The following RILPL2 variants were observed in gnomAD, a reference collection of about 807,000 sequenced individuals.
RILPL2 encodes Rab interacting lysosomal protein like 2, also known as RILP-like protein 2.
A neutral mutation model predicts 22.2 loss-of-function variants in RILPL2; 19 were observed. That is an observed-to-expected ratio of 0.86 (90% CI 0.60 to 1.25). The LOEUF is 1.25. Ranked by LOEUF, RILPL2 falls within the 50% of genes most tolerant of loss-of-function variation. The probability of loss-of-function intolerance (pLI) is 0.00; values close to 1 mark genes in which losing one functional copy is unlikely to be tolerated. For synonymous variants in RILPL2, 123 were observed against 111.6 expected, an observed-to-expected ratio of 1.10 and a Z score of -0.64; for missense variants, 243 against 263.6, an observed-to-expected ratio of 0.92 and a Z score of 0.54.
Position 123,436,370 on chromosome 12 carries a change from G to GTCCTCCTCTCCCTCCTCC in RILPL2, c.33_50dup (p.Glu11_Glu16dup). 1 of 1,553,710 alleles carries GTCCTCCTCTCCCTCCTCC rather than the reference G, an allele frequency of 6.4e-7. No individual in the cohort carries two copies. Among genetic ancestry groups the GTCCTCCTCTCCCTCCTCC allele is most frequent in the Non-Finnish European group, 8.7e-7 (1 of 1,148,438 alleles). Reference sequence around the variant, plus strand: ...CGGGCCCAACCTCGTCCCTCTCCTCGTCCTCCTCTCCCTCCTCCTCTTCCT... The same window carrying GTCCTCCTCTCCCTCCTCC: ...CGGGCCCAACCTCGTCCCTCTCCTCGTCCTCCTCTCCCTCCTCCTCCTCCTCTCCCTCCTCCTCTTCCT... On this transcript the variant is annotated inframe_insertion, in exon 1 of 4. Transcript: ENST00000280571. This position sits in a 1 kb window ranked among gnomAD's most constrained non-coding sequence, Gnocchi z 6.7.
Position 123,436,407 on chromosome 12 carries a change from G to C in RILPL2, c.14C>G (p.Pro5Arg). Reference sequence around the variant, plus strand: ...CTCCTCCTCTTCCTCTTCTCGCACAGGGGGCTCCTCCATGGCCACCCAGAC... The same window carrying C: ...CTCCTCCTCTTCCTCTTCTCGCACACGGGGCTCCTCCATGGCCACCCAGAC... MEEPPVREEEEEEGE... is the reference protein window; with the variant it reads MEEPRVREEEEEEGE... Residue 5 changes from proline (P) to arginine (R), a missense_variant, in exon 1 of 4, where the codon CCT becomes CGT. Coordinates refer to ENST00000280571, the MANE Select transcript of RILPL2 (RefSeq NM_145058.3). The surrounding 1 kb of genome is among the most constrained non-coding windows in gnomAD (Gnocchi z 6.7). 2 of 1,548,532 alleles carry C rather than the reference G, an allele frequency of 1.3e-6. No homozygotes were observed. Among genetic ancestry groups the C allele is most frequent in the Non-Finnish European group, 8.7e-7 (1 of 1,146,972 alleles).
intron 2 of RILPL2, among the ~76,000 whole-genome samples, chr12:123,430,147 T>C (rs113630907): frequency 0.046 from 5,863 of 127,274 alleles, 357 homozygotes; most frequent in African/African-American, 0.15. Flanking sequence ...TGGTGGCTCA[T>C]GCCTGTAATC....
At position 123,430,358 on chromosome 12, in the gene RILPL2, G is replaced by A. The variant is rs916432009; in HGVS notation, c.491+150C>T. ...CGGGAGGCAGAGGTTGCAGTGAGCCGAGATCGCGCCACTGCACTCCAGCCT... is the reference window on the plus strand; with the variant it reads ...CGGGAGGCAGAGGTTGCAGTGAGCCAAGATCGCGCCACTGCACTCCAGCCT... On this transcript the variant is annotated intron_variant, in intron 2 of 3. Coordinates refer to ENST00000280571, the MANE Select transcript of RILPL2 (RefSeq NM_145058.3). The A allele has an allele frequency of 3.4e-4, 200 of 585,500 alleles. 3 individuals carry two copies. Among genetic ancestry groups the A allele is most frequent in the African/African-American group, 2.1e-3 (108 of 51,050 alleles). 36.3% of individuals were successfully genotyped at this position (585,500 alleles called of 1,614,324 possible).
intron 2 of RILPL2, among the ~76,000 whole-genome samples, chr12:123,430,200 G>T (rs1469156802): frequency 1.3e-5 from 2 of 150,414 alleles, no homozygotes; most frequent in Non-Finnish European, 2.9e-5. Flanking sequence ...AGGAGGTCAG[G>T]AGATCGAGAC....
chr12:123,434,809 C>G (rs1289294132), intron 1 of RILPL2, among the ~76,000 whole-genome samples: 1 of 151,968 alleles, frequency 6.6e-6, no homozygotes, highest in Admixed American at 6.6e-5. Flanking sequence ...ATCAATTTCC[C>G]TTCTTTTCCC....
downstream of RILPL2, among the ~76,000 whole-genome samples, chr12:123,410,168 C>T (rs1407142258): frequency 6.6e-6 from 1 of 152,292 alleles, no homozygotes; most frequent in South Asian, 2.1e-4. Context: ...GCATTTTGAG[C>T]CTTAGAACAA....
chr12:123,417,012 C>T (rs1384863782), intron 3 of RILPL2, among the ~76,000 whole-genome samples: 1 of 152,016 alleles, frequency 6.6e-6, no homozygotes, highest in Non-Finnish European at 1.5e-5. Flanking sequence ...GAAACACTTC[C>T]ATTAGGCTGG....
At chr12:123,423,692 T>C (rs1049064068) in intron 2 of RILPL2, among the ~76,000 whole-genome samples, 6 of 151,826 alleles carry the variant, frequency 4.0e-5, no homozygotes, top group South Asian at 2.1e-4. Flanking sequence ...CTCGCTCTGT[T>C]GCCCAGGCTG....
chr12:123,415,579 G>A lies in RILPL2; in HGVS notation c.*312C>T, dbSNP rs948037604. 7.2e-5 allele frequency: 31 copies of A among 430,890 alleles called. No homozygotes were observed. The highest frequency in any genetic ancestry group is 5.5e-4 in the African/African-American group (28 of 50,508). The allele number at this position is 430,890 out of a possible 1,614,324, so 26.7% of individuals were successfully genotyped here. On this transcript the variant is annotated 3_prime_UTR_variant, in exon 4 of 4. Coordinates refer to ENST00000280571, the MANE Select transcript of RILPL2 (RefSeq NM_145058.3). ...CCGTGGGAGCAGATGAGTAGGACACGCGTCTGCACGCTGGAGGCCCTGGGG... is the reference window on the plus strand; with the variant it reads ...CCGTGGGAGCAGATGAGTAGGACACACGTCTGCACGCTGGAGGCCCTGGGG...
intron 2 of RILPL2, among the ~76,000 whole-genome samples, chr12:123,427,796 C>T (rs1280963858): frequency 1.3e-5 from 2 of 152,282 alleles, no homozygotes; most frequent in South Asian, 2.1e-4. Flanking sequence ...CTGCCTGCCT[C>T]GGCCTCCCAA....
At chr12:123,423,204 T>G (rs1253724188) in intron 2 of RILPL2, 47 bp from the exon 3 acceptor site, 8 of 317,970 alleles carry the variant, frequency 2.5e-5, no homozygotes, top group Admixed American at 1.5e-4. Context: ...TTACAGATCG[T>G]TTTTTTTTTT....
Position 123,423,159 on chromosome 12 carries a change from T to C in RILPL2, c.492-2A>G, listed in dbSNP as rs1452927720. On this transcript the variant is annotated splice_acceptor_variant, in intron 2 of 3. Coordinates refer to ENST00000280571, the MANE Select transcript of RILPL2 (RefSeq NM_145058.3). LOFTEE classifies it high-confidence loss of function. The stretch of plus-strand genomic sequence containing the variant: ...CCTTCTCTTGGTGGAATCAGGCCAC[T>C]GGGAAACGGGACAAAAAATAAATGG... 6 of 1,565,046 alleles carry C rather than the reference T, an allele frequency of 3.8e-6. No individual in the cohort carries two copies. The highest frequency in any genetic ancestry group is 3.6e-5 in the Admixed American group (2 of 55,332).
chr12:123,436,485 T>C lies in RILPL2; in HGVS notation c.-65A>G. On this transcript the variant is annotated 5_prime_UTR_variant, in exon 1 of 4. Transcript: ENST00000280571. This position sits in a 1 kb window ranked among gnomAD's most constrained non-coding sequence, Gnocchi z 6.7. ...GGAGTCTCCCAAAGGTTAGACTTCCTCCCGGCACCCAAAACTTTCCGCTGG... is the reference window on the plus strand; with the variant it reads ...GGAGTCTCCCAAAGGTTAGACTTCCCCCCGGCACCCAAAACTTTCCGCTGG... 6.7e-7 allele frequency: 1 copy of C among 1,502,128 alleles called. No homozygotes were observed. The highest frequency in any genetic ancestry group is 8.9e-7 in the Non-Finnish European group (1 of 1,127,320). The allele number at this position is 1,502,128 out of a possible 1,614,324, so 93.0% of individuals were successfully genotyped here.
rs748444098 is a variant in RILPL2 at position 123,436,183 on chromosome 12, T to C, written c.238A>G (p.Asn80Asp). Reference protein sequence around the residue: ...RVLEMLEALVNEGSLALEELK... With the variant: ...RVLEMLEALVDEGSLALEELK... ...TCCTCCAGCGCCAGGCTGCCCTCAT[T>C]CACCAGCGCCTCCAGCATCTCCAGG... The change falls in exon 1 of 4, where the codon AAT becomes GAT. Residue 80 changes from asparagine (N) to aspartate (D), a missense_variant. Transcript: ENST00000280571. The surrounding 1 kb of genome is among the most constrained non-coding windows in gnomAD (Gnocchi z 6.7). 2.5e-6 allele frequency: 4 copies of C among 1,611,020 alleles called. No individual in the cohort carries two copies. In the Admixed American group the frequency reaches 5.0e-5, roughly 20 times the overall value.
chr12:123,429,613 C>CG (rs200273929), intron 2 of RILPL2, among the ~76,000 whole-genome samples: 326 of 143,272 alleles, frequency 2.3e-3, no homozygotes, highest in Non-Finnish European at 4.1e-3. Context: ...TGTTTTGTTT[C>CG]GTTTTTTTTT....
intron 1 of RILPL2, among the ~76,000 whole-genome samples, chr12:123,434,036 T>C (rs1043917428): frequency 6.6e-6 from 1 of 152,126 alleles, no homozygotes; most frequent in Admixed American, 6.6e-5. Flanking sequence ...AAAGACATCG[T>C]CCACTTACAG....
chr12:123,430,404 G>C, intron 2 of RILPL2, 104 bp downstream of exon 2: 1 of 1,230,902 alleles, frequency 8.1e-7, no homozygotes, highest in Non-Finnish European at 1.1e-6. Context: ...GCGAGACTCT[G>C]TCTCAAAAAA....
intron 2 of RILPL2, among the ~76,000 whole-genome samples, chr12:123,430,030 C>T (rs1201285523): frequency 5.0e-5 from 7 of 140,556 alleles, no homozygotes; most frequent in East Asian, 2.1e-4. Context: ...GTGGGAGAAT[C>T]GCTTGAACCC....
At position 123,430,434 on chromosome 12, in the gene RILPL2, A is replaced by G. The variant is rs760277104; in HGVS notation, c.491+74T>C. ...AAAAAAACAAAAACAAAACAAAACA[A>G]AAACAAATATGTAACCTAGCAAGGA... On this transcript the variant is annotated intron_variant, in intron 2 of 3. Coordinates refer to ENST00000280571, the MANE Select transcript of RILPL2 (RefSeq NM_145058.3). 664 of 1,432,054 alleles carry G rather than the reference A, an allele frequency of 4.6e-4. 1 individual carries two copies. The highest frequency in any genetic ancestry group is 5.7e-4 in the Non-Finnish European group (612 of 1,072,798). 88.7% of individuals were successfully genotyped at this position (1,432,054 alleles called of 1,614,324 possible). A position where few individuals can be genotyped will look rare whatever the true frequency, so the allele number is the denominator to read the frequency against.
Sources: gnomAD v4.1 joint callset for allele counts (sites outside exome capture counted in the v4.1 genomes callset) on GRCh38, gnomAD v4.1.1 for gene constraint, Gnocchi (gnomAD v3.1) non-coding constraint, MANE v1.5 for transcripts, NCBI Gene and HGNC (gene_info 2026-07-23, HGNC 2026-07-21) for gene names.